Variants in ADAMTS17 observed in about 807,000 individuals in gnomAD.
ADAMTS17 encodes A disintegrin and metalloproteinase with thrombospondin motifs 17.
In ADAMTS17, 113 loss-of-function variants were observed where a neutral mutation model predicts 141.5. The ratio of observed to expected loss-of-function variants is 0.80; its 90% CI spans 0.69 to 0.93. ADAMTS17 has a LOEUF of 0.93. ADAMTS17 is among the 40% of genes least tolerant of loss of function. The pLI is 0.00. For synonymous variants in ADAMTS17, 768 were observed against 630.6 expected (o/e 1.22, Z -3.27); for missense variants, 1,659 against 1,517.9 (o/e 1.09, Z -1.54).
chr15:100,295,535 C>T (rs2044778405), intron 3 of ADAMTS17, among the ~76,000 whole-genome samples: 1 of 152,180 alleles, frequency 6.6e-6, no homozygotes, highest in African/African-American at 2.4e-5. Flanking sequence ...GCCATCTAGG[C>T]ACCAACTTGG....
In ADAMTS17 at chr15:99,976,236, A is replaced by T; in HGVS notation, c.2950-14T>A. 6.5e-7 allele frequency: 1 copy of T among 1,541,620 alleles called. No individual in the cohort carries two copies. The highest frequency in any genetic ancestry group is 8.7e-7 in the Non-Finnish European group (1 of 1,146,194). On this transcript the variant is annotated splice_polypyrimidine_tract_variant and intron_variant, in intron 20 of 21. Coordinates refer to ENST00000268070, the MANE Select transcript of ADAMTS17 (RefSeq NM_139057.4). ...GGTCGACGAGCACTGCAGAGACAGG[A>T]CAGCCTGAGTGGGGCTGACATGAGG...
At chr15:100,057,569 C>T (rs1318470279) in intron 15 of ADAMTS17, among the ~76,000 whole-genome samples, 3 of 152,134 alleles carry the variant, frequency 2.0e-5, no homozygotes, top group East Asian at 3.9e-4. Context: ...CTGTGAACAC[C>T]CACTGTGCCC....
At chr15:100,185,370 TAC>T (rs112516867) in intron 8 of ADAMTS17, among the ~76,000 whole-genome samples, 1,937 of 152,318 alleles carry the variant, frequency 0.013, 43 homozygotes, top group African/African-American at 0.043. Flanking sequence ...TTTGTCTTAC[TAC>T]ACCTGTGAAC....
At chr15:100,202,979 A>G (rs894998496) in intron 7 of ADAMTS17, among the ~76,000 whole-genome samples, 2 of 138,606 alleles carry the variant, frequency 1.4e-5, no homozygotes, top group Non-Finnish European at 2.9e-5. Context: ...GAACTTATTT[A>G]AAAATTTTTA....
chr15:100,110,596 G>C (rs961993042), intron 13 of ADAMTS17, among the ~76,000 whole-genome samples: 1 of 152,122 alleles, frequency 6.6e-6, no homozygotes, highest in African/African-American at 2.4e-5. Context: ...CAAACAGGTT[G>C]AATAGATTTT....
Position 100,162,666 on chromosome 15 carries a change from T to C in ADAMTS17, c.1182-7346A>G, listed in dbSNP as rs867695166. On this transcript the variant is annotated intron_variant, in intron 8 of 21. Coordinates refer to ENST00000268070, the MANE Select transcript of ADAMTS17 (RefSeq NM_139057.4). ...TATGCACATATACACATTATATGTGTATATATATGCACATATACACATTAT... is the reference window on the plus strand; with the variant it reads ...TATGCACATATACACATTATATGTGCATATATATGCACATATACACATTAT... Among the ~76,000 whole-genome samples, 36 of 70,604 alleles carry C rather than the reference T, an allele frequency of 5.1e-4. 1 individual carries two copies. Among genetic ancestry groups the C allele is most frequent in the South Asian group, 3.8e-3 (7 of 1,836 alleles). 46.3% of individuals were successfully genotyped at this position (70,604 alleles called of 152,430 possible).
chr15:100,084,131 G>A (rs2034933686), intron 15 of ADAMTS17, among the ~76,000 whole-genome samples: 1 of 152,090 alleles, frequency 6.6e-6, no homozygotes, highest in Non-Finnish European at 1.5e-5. Flanking sequence ...GGAAAATCGG[G>A]TCACTCCCAC....
At chr15:100,053,778 C>T in intron 16 of ADAMTS17, 119 bp downstream of exon 16, 1 of 1,496,448 alleles carries the variant, frequency 6.7e-7, no homozygotes, top group Non-Finnish European at 9.3e-7. Context: ...GCATAAACCC[C>T]TGGAAGCCAG....
At chr15:100,207,601 G>C (rs776247590) in intron 7 of ADAMTS17, among the ~76,000 whole-genome samples, 1 of 152,214 alleles carries the variant, frequency 6.6e-6, no homozygotes, top group African/African-American at 2.4e-5. Flanking sequence ...AAAGTTGTAG[G>C]AGCATCAGGT....
chr15:100,045,646 C>G lies in ADAMTS17; in HGVS notation c.2591+3211G>C, dbSNP rs538115712. 1.1e-4 allele frequency among the ~76,000 whole-genome samples: 17 copies of G among 152,244 alleles called. No homozygotes were observed. In the South Asian group the frequency reaches 1.9e-3, roughly 17 times the overall value. On this transcript the variant is annotated intron_variant, in intron 18 of 21. Transcript: ENST00000268070. ...TGGGAGTCACTCTCTGTGGCTCCCT[C>G]CTTTCTGGAGTTTTTCCTTCTCAGT...
intron 3 of ADAMTS17, among the ~76,000 whole-genome samples, chr15:100,329,407 C>T (rs1596536224): frequency 6.6e-6 from 1 of 151,826 alleles, no homozygotes; most frequent in Admixed American, 6.6e-5. Context: ...TGGTGGTGCA[C>T]GCCTGTGGTC....
At chr15:100,113,243 C>T (rs767546639) in intron 13 of ADAMTS17, among the ~76,000 whole-genome samples, 10 of 152,120 alleles carry the variant, frequency 6.6e-5, no homozygotes, top group Admixed American at 2.6e-4. Context: ...TCGTGGTTGA[C>T]GGATCCCAAA....
At chr15:100,123,204 G>C (rs973202094) in intron 12 of ADAMTS17, among the ~76,000 whole-genome samples, 1 of 152,214 alleles carries the variant, frequency 6.6e-6, no homozygotes, top group African/African-American at 2.4e-5. Flanking sequence ...AGCAACCGGA[G>C]AGACCACCCT....
At chr15:100,154,480 C>A (rs1173247821) in intron 9 of ADAMTS17, among the ~76,000 whole-genome samples, 1 of 152,110 alleles carries the variant, frequency 6.6e-6, no homozygotes, top group African/African-American at 2.4e-5. Context: ...AGGTGAGACT[C>A]GCCGACTCAC....
intron 7 of ADAMTS17, among the ~76,000 whole-genome samples, chr15:100,202,534 G>C (rs1006088665): frequency 3.9e-5 from 6 of 152,222 alleles, no homozygotes; most frequent in Admixed American, 3.9e-4. Flanking sequence ...ACAAAACAAA[G>C]TCTGGAGAAA....
At chr15:100,189,961 ACT>A (rs2040858446) in intron 8 of ADAMTS17, among the ~76,000 whole-genome samples, 1 of 151,608 alleles carries the variant, frequency 6.6e-6, no homozygotes, top group African/African-American at 2.4e-5. Context: ...AAACCCTAAG[ACT>A]CTTCCCCAGC....
intron 15 of ADAMTS17, among the ~76,000 whole-genome samples, chr15:100,061,523 C>T (rs2033123351): frequency 6.6e-6 from 1 of 152,296 alleles, no homozygotes; most frequent in South Asian, 2.1e-4. Context: ...CTAGTTAGCA[C>T]CTGTTGGCCT....
chr15:100,339,200 A>G, intron 2 of ADAMTS17: 4 of 976,178 alleles, frequency 4.1e-6, no homozygotes, highest in Non-Finnish European at 4.9e-6. Flanking sequence ...AGGGAAGGAC[A>G]GTCTTGCCGA....
intron 4 of ADAMTS17, among the ~76,000 whole-genome samples, chr15:100,265,409 A>G (rs1596394834): frequency 6.6e-6 from 1 of 152,182 alleles, no homozygotes; most frequent in East Asian, 1.9e-4. Flanking sequence ...AGCGCAGCCA[A>G]GCGTCTGGAA....
Sources: gnomAD v4.1 joint callset for allele counts (sites outside exome capture counted in the v4.1 genomes callset) on GRCh38, gnomAD v4.1.1 for gene constraint, MANE v1.5 for transcripts, NCBI Gene and HGNC (gene_info 2026-07-23, HGNC 2026-07-21) for gene names.